Variants in ARHGAP4 observed in about 807,000 individuals in gnomAD.
The protein encoded by ARHGAP4 is Rho GTPase activating protein 4.
In ARHGAP4, 25 loss-of-function variants were observed where a neutral mutation model predicts 67.6. The ratio of observed to expected loss-of-function variants is 0.37; its 90% CI spans 0.27 to 0.52. The LOEUF (loss-of-function observed/expected upper bound fraction) is 0.52, where lower values mean the gene tolerates loss of function less well. Ranked by LOEUF, ARHGAP4 falls within the 20% of genes least tolerant of loss-of-function variation. The pLI, the probability that ARHGAP4 is intolerant of heterozygous loss-of-function variation, is 0.92. For synonymous variants in ARHGAP4, 448 were observed against 373.7 expected (o/e 1.20, Z -2.29); for missense variants, 804 against 854.6 (o/e 0.94, Z 0.74).
chrX:153,908,078 C>T (rs2064984403), intron 21 of ARHGAP4, 116 bp from the exon 22 acceptor site: 1 of 571,734 alleles, frequency 1.7e-6, no homozygotes. Context: ...CATCCCCAGT[C>T]CCTCAGCCTC....
In ARHGAP4 at chrX:153,926,170, C is replaced by T. The variant is rs1298416465; in HGVS notation, c.33G>A (p.Arg11=). The T allele has an allele frequency of 8.3e-7, 1 of 1,201,732 alleles. No individual in the cohort carries two copies. Among genetic ancestry groups the T allele is most frequent in the African/African-American group, 1.8e-5 (1 of 56,988 alleles). The change falls in exon 1 of 22, where the codon CGG becomes CGA. Residue 11 remains arginine, a synonymous_variant. Coordinates refer to ENST00000350060, the MANE Select transcript of ARHGAP4 (RefSeq NM_001666.5). ...GCGTCTCATACTCAGCCTGCAGCCC[C>T]CGCTCCCGCCGCAGCTTCCCGTGAG... MAAHGKLRRE[R]GLQAEYETQV...
At chrX:153,921,847 C>T (rs1557105457) in intron 1 of ARHGAP4, 38 bp from the exon 2 acceptor site, 1 of 1,152,518 alleles carries the variant, frequency 8.7e-7, no homozygotes, top group Non-Finnish European at 1.2e-6. Context: ...GGTCAGCACG[C>T]CCTGCCTGGG....
At position 153,921,479 on chromosome X, in the gene ARHGAP4, C is replaced by T; in HGVS notation, c.321G>A (p.Leu107=). 3 of 1,201,302 alleles carry T rather than the reference C, an allele frequency of 2.5e-6. No homozygotes were observed. The highest frequency in any genetic ancestry group is 3.4e-6 in the Non-Finnish European group (3 of 890,668). ...LSPLHCWAVL[L]QHTRQQSRES... The stretch of plus-strand genomic sequence containing the variant: ...CCCGGCTCTGCTGCCGCGTGTGCTG[C>T]AGCAGCACCGCCCAGCAGTGCAAGG... The change falls in exon 3 of 22, where the codon CTG becomes CTA. Residue 107 remains leucine (L), a synonymous_variant. Coordinates refer to ENST00000350060, the MANE Select transcript of ARHGAP4 (RefSeq NM_001666.5).
chrX:153,917,878 C>T (rs1400605692), intron 7 of ARHGAP4, among the ~76,000 whole-genome samples: 1 of 112,256 alleles, frequency 8.9e-6, no homozygotes, highest in Non-Finnish European at 1.9e-5. Context: ...CCGTGGAATC[C>T]GGAAACAGAG....
rs1442659225 is a variant in ARHGAP4 at position 153,921,665 on chromosome X, G to A, written c.212C>T (p.Ala71Val). 1.7e-6 allele frequency: 2 copies of A among 1,208,404 alleles called. No homozygotes were observed. Among genetic ancestry groups the A allele is most frequent in the African/African-American group, 1.7e-5 (1 of 57,669 alleles). The stretch of plus-strand genomic sequence containing the variant: ...GCCTCCACGGCTGGAGAAGCGCTCG[G>A]CCAGCTTTTCCAGGCCCCGGGAGTA... ...LEYSRGLEKL[A>V]ERFSSRGGRL... is the part of the protein sequence containing the mutation. Residue 71 changes from alanine to valine, a missense_variant, in exon 2 of 22, where the codon GCC (alanine) becomes GTC (valine). Coordinates refer to ENST00000350060, the MANE Select transcript of ARHGAP4 (RefSeq NM_001666.5).
chrX:153,920,570 T>A (rs782138471), intron 5 of ARHGAP4, 56 bp downstream of exon 5: 1 of 1,120,812 alleles, frequency 8.9e-7, no homozygotes, highest in Non-Finnish European at 1.2e-6. Flanking sequence ...GCACAGCAGG[T>A]CCTAGTTAGG....
chrX:153,924,021 C>T lies in ARHGAP4; in HGVS notation c.67+2115G>A, dbSNP rs7060505. On this transcript the variant is annotated intron_variant, in intron 1 of 21. Transcript: ENST00000350060. ...CTTGAACTCCTGACCTCAGGTGATC[C>T]GCCCGCCTCGGCCTCCCAAAGTGCT... is the stretch of plus-strand genomic sequence containing the variant. Among the ~76,000 whole-genome samples, 674 of 111,653 alleles carry T rather than the reference C, an allele frequency of 6.0e-3. 4 individuals carry two copies. Among genetic ancestry groups the T allele is most frequent in the African/African-American group, 0.021 (631 of 30,702 alleles).
At chrX:153,925,489 T>C (rs1052719588) in intron 1 of ARHGAP4, among the ~76,000 whole-genome samples, 2 of 112,612 alleles carry the variant, frequency 1.8e-5, no homozygotes, top group Admixed American at 1.9e-4. Flanking sequence ...GCACAAGCTA[T>C]TGGCTAAGAA....
chrX:153,922,872 C>T (rs1361543119), intron 1 of ARHGAP4, among the ~76,000 whole-genome samples: 1 of 111,613 alleles, frequency 9.0e-6, no homozygotes, highest in Non-Finnish European at 1.9e-5. Flanking sequence ...GAATGGGGCA[C>T]GAACACATAT....
chrX:153,914,271 G>A (rs1205361671), intron 7 of ARHGAP4: 5 of 204,321 alleles, frequency 2.4e-5, no homozygotes, highest in African/African-American at 1.2e-4. Flanking sequence ...AGAACGGGGA[G>A]TAGTGGCTCC....
chrX:153,914,611 C>T (rs1034570170), intron 7 of ARHGAP4, among the ~76,000 whole-genome samples: 3 of 112,145 alleles, frequency 2.7e-5, no homozygotes, highest in Admixed American at 9.4e-5. Context: ...GCAGGGGAAT[C>T]GCTTGAACCC....
intron 8 of ARHGAP4, 45 bp from the exon 9 acceptor site, chrX:153,913,645 G>A: frequency 8.5e-7 from 1 of 1,180,575 alleles, no homozygotes; most frequent in Non-Finnish European, 1.1e-6. Flanking sequence ...GGGGGACAGG[G>A]AGGGAGACAG....
Position 153,909,502 on chromosome X carries a change from C to T in ARHGAP4, c.2448G>A (p.Gln816=), listed in dbSNP as rs1557102180. The change falls in exon 20 of 22, where the codon CAG becomes CAA. Residue 816 remains glutamine (Q), a synonymous_variant. Transcript: ENST00000350060. Reference sequence around the variant, plus strand: ...GACTGCTCCCAGACTCCCCTGCAGTCTGCAGCCCTGCGCCCACCACCTGCT... The same window carrying T: ...GACTGCTCCCAGACTCCCCTGCAGTTTGCAGCCCTGCGCCCACCACCTGCT... The part of the protein sequence containing the change: ...TEKQVVGAGL[Q]TAGESGSSPE... The T allele has an allele frequency of 1.7e-6, 2 of 1,209,958 alleles. No homozygotes were observed. Among genetic ancestry groups the T allele is most frequent in the South Asian group, 3.5e-5 (2 of 56,697 alleles).
intron 7 of ARHGAP4, among the ~76,000 whole-genome samples, chrX:153,915,915 G>A (rs2065053023): frequency 8.9e-6 from 1 of 112,064 alleles, no homozygotes; most frequent in East Asian, 2.8e-4. Flanking sequence ...TTTGGACTCA[G>A]GGACACTGGT....
chrX:153,920,582 C>A (rs925082557), intron 5 of ARHGAP4, 44 bp downstream of exon 5: 10 of 1,151,863 alleles, frequency 8.7e-6, no homozygotes, highest in Non-Finnish European at 1.2e-5. Flanking sequence ...CTAGTTAGGG[C>A]CCATGGCCCA....
rs367733729 is a variant in ARHGAP4, at chrX:153,913,394, C to T, written c.1326+15G>A. On this transcript the variant is annotated intron_variant, in intron 9 of 21. Coordinates refer to ENST00000350060, the MANE Select transcript of ARHGAP4 (RefSeq NM_001666.5). ...TGCCCCCACGGGTCCCGCCCACCAG[C>T]CCAGCCCTCCCCACCGTGAGGTAGA... The T allele has an allele frequency of 8.3e-7, 1 of 1,208,297 alleles. No homozygotes were observed. The highest frequency in any genetic ancestry group is 1.7e-5 in the African/African-American group (1 of 57,905).
intron 1 of ARHGAP4, 102 bp from the exon 2 acceptor site, chrX:153,921,911 G>T (rs782637843): frequency 1.0e-6 from 1 of 994,489 alleles, no homozygotes; most frequent in African/African-American, 1.9e-5. Flanking sequence ...CCCCAGTCCC[G>T]TCGGCTCTGA....
intron 7 of ARHGAP4, among the ~76,000 whole-genome samples, chrX:153,914,479 T>C (rs1431632156): frequency 4.5e-5 from 5 of 112,205 alleles, no homozygotes; most frequent in Non-Finnish European, 9.4e-5. Flanking sequence ...ATGGATTATC[T>C]GAACTCAGGA....
At position 153,920,772 on chromosome X, in the gene ARHGAP4, C is replaced by T. The variant is rs1021156060; in HGVS notation, c.535G>A (p.Val179Met). The T allele has an allele frequency of 3.3e-6, 4 of 1,212,225 alleles. No individual in the cohort carries two copies. The highest frequency in any genetic ancestry group is 4.3e-5 in the Admixed American group (2 of 46,162). ...KTYQAYHMES[V>M]NAEAKLREAE... ...TCCCGGAGCTTGGCCTCGGCATTCA[C>T]GCTCTCCATGTGATATGCCTGGTAC... The change falls in exon 5 of 22, where the codon GTG becomes ATG. Residue 179 changes from valine to methionine, a missense_variant. This residue lies in a region of ARHGAP4 where 404 missense variants were observed against 505.9 expected (regional missense o/e 0.80). Transcript: ENST00000350060.
Sources: allele counts gnomAD v4.1 joint callset (sites outside exome capture counted in the v4.1 genomes callset), GRCh38; gene constraint gnomAD v4.1.1; regional missense constraint gnomAD v4.1.1; transcripts MANE v1.5; gene names NCBI Gene and HGNC (gene_info 2026-07-23, HGNC 2026-07-21).